Variants in NRIP1 observed in about 807,000 individuals in gnomAD.
NRIP1 encodes nuclear receptor-interacting protein 1.
Under a neutral mutation model 75.0 loss-of-function variants are expected in NRIP1, and 28 were observed. That is an observed-to-expected ratio of 0.37 (90% CI 0.28 to 0.51). The LOEUF (loss-of-function observed/expected upper bound fraction) is 0.51, where lower values mean the gene tolerates loss of function less well. Among genes scored for constraint, NRIP1 ranks in the 20% least tolerant of loss-of-function variants. The pLI is 0.92. For missense variants in NRIP1, 1,435 were observed against 1,343.7 expected, an observed-to-expected ratio of 1.07 and a Z score of -1.06; for synonymous variants, 526 against 487.6, an observed-to-expected ratio of 1.08 and a Z score of -1.04.
chr21:15,012,497 C>T (rs888591491), intron 3 of NRIP1, among the ~76,000 whole-genome samples: 1 of 134,060 alleles, frequency 7.5e-6, no homozygotes, highest in Non-Finnish European at 1.5e-5. Context: ...CTCTGTCACC[C>T]AGGCTGGAGT....
chr21:15,006,701 C>T (rs2087980932), intron 3 of NRIP1, among the ~76,000 whole-genome samples: 1 of 152,168 alleles, frequency 6.6e-6, no homozygotes, highest in African/African-American at 2.4e-5. Flanking sequence ...GATAACCACA[C>T]TTTCACTCAC....
intron 3 of NRIP1, among the ~76,000 whole-genome samples, chr21:15,003,154 A>G (rs1469878297): frequency 6.6e-6 from 1 of 152,190 alleles, no homozygotes; most frequent in Non-Finnish European, 1.5e-5. Flanking sequence ...GTTGTTAAAT[A>G]TTTTTTAACA....
At chr21:14,987,323 T>C (rs1428632383) in intron 3 of NRIP1, among the ~76,000 whole-genome samples, 1 of 152,230 alleles carries the variant, frequency 6.6e-6, no homozygotes, top group Admixed American at 6.5e-5. Flanking sequence ...GTTCCTTGCG[T>C]AACTCCAACA....
At chr21:15,026,056 GT>G (rs1194483204) in intron 2 of NRIP1, among the ~76,000 whole-genome samples, 1 of 152,148 alleles carries the variant, frequency 6.6e-6, no homozygotes, top group Non-Finnish European at 1.5e-5. Context: ...CCAGGACAAG[GT>G]CTTGTTTCTT....
intron 3 of NRIP1, among the ~76,000 whole-genome samples, chr21:15,006,296 A>T (rs1041041422): frequency 2.0e-5 from 3 of 152,212 alleles, no homozygotes; most frequent in African/African-American, 7.2e-5. Flanking sequence ...CATGGGCCAA[A>T]AGAGAAAGTA....
chr21:15,060,389 C>G (rs2089399049), intron 1 of NRIP1, among the ~76,000 whole-genome samples: 2 of 152,132 alleles, frequency 1.3e-5, no homozygotes, highest in South Asian at 4.1e-4. Context: ...TCTATTTTCC[C>G]CCTACCATGA....
At chr21:14,995,360 G>A (rs1345180519) in intron 3 of NRIP1, among the ~76,000 whole-genome samples, 1 of 152,198 alleles carries the variant, frequency 6.6e-6, no homozygotes, top group African/African-American at 2.4e-5. Flanking sequence ...TGGACTGTAT[G>A]AGGAGGTTTC....
intron 3 of NRIP1, among the ~76,000 whole-genome samples, chr21:15,012,357 AAT>A (rs2088122911): frequency 1.3e-5 from 2 of 152,112 alleles, no homozygotes; most frequent in East Asian, 1.9e-4. Flanking sequence ...AACGTTTAAA[AAT>A]ATGTGAAAGG....
intron 3 of NRIP1, among the ~76,000 whole-genome samples, chr21:15,003,692 A>G (rs1400255832): frequency 1.3e-5 from 2 of 152,226 alleles, no homozygotes; most frequent in Non-Finnish European, 2.9e-5. Flanking sequence ...GGCTTGCTAC[A>G]AGGGGAGAAT....
chr21:15,065,487 C>T (rs893379147), upstream of NRIP1, among the ~76,000 whole-genome samples: 2 of 151,988 alleles, frequency 1.3e-5, no homozygotes, highest in Non-Finnish European at 2.9e-5. Context: ...CCCAGACGCT[C>T]CAGGGTCCCC....
intron 3 of NRIP1, among the ~76,000 whole-genome samples, chr21:15,008,325 C>T (rs1402470073): frequency 6.6e-6 from 1 of 152,096 alleles, no homozygotes; most frequent in African/African-American, 2.4e-5. Context: ...CTCAATCCTG[C>T]AAAATAACAC....
chr21:15,027,691 T>A (rs569573445), intron 2 of NRIP1, among the ~76,000 whole-genome samples: 2 of 152,312 alleles, frequency 1.3e-5, no homozygotes, highest in East Asian at 3.8e-4. Flanking sequence ...AAGATGATCA[T>A]TTTGCAAAAA....
intron 1 of NRIP1, among the ~76,000 whole-genome samples, chr21:15,049,570 CTTTTTAAATG>C (rs2089159587): frequency 6.6e-6 from 1 of 151,962 alleles, no homozygotes; most frequent in South Asian, 2.1e-4. Context: ...ATTTAGGGTA[CTTTTTAAATG>C]TTTATAATAT....
At chr21:14,977,660 A>G (rs952247079) in intron 3 of NRIP1, among the ~76,000 whole-genome samples, 1 of 152,228 alleles carries the variant, frequency 6.6e-6, no homozygotes, top group African/African-American at 2.4e-5. Flanking sequence ...TAATAAGACA[A>G]TAAAAGAATA....
intron 1 of NRIP1, among the ~76,000 whole-genome samples, chr21:15,055,924 A>C (rs757043952): frequency 2.0e-5 from 3 of 152,112 alleles, no homozygotes; most frequent in Non-Finnish European, 4.4e-5. Context: ...TATCACATGG[A>C]TCCCCTGGCA....
chr21:15,059,238 G>A (rs1374225114), intron 1 of NRIP1, among the ~76,000 whole-genome samples: 1 of 152,180 alleles, frequency 6.6e-6, no homozygotes. Context: ...TAGTCACACA[G>A]TGACTTGGAA....
intron 3 of NRIP1, among the ~76,000 whole-genome samples, chr21:14,988,517 GTA>G (rs142771734): frequency 5.1e-4 from 72 of 142,268 alleles, no homozygotes; most frequent in South Asian, 6.8e-4. Context: ...GTGTGTGTGT[GTA>G]TATATATATA....
chr21:15,054,916 T>G (rs548752881), intron 1 of NRIP1, among the ~76,000 whole-genome samples: 16 of 152,338 alleles, frequency 1.1e-4, no homozygotes, highest in African/African-American at 3.8e-4. Context: ...GTTAGAGGCT[T>G]GGGGACAGAA....
At chr21:15,004,083 T>C (rs1250306949) in intron 3 of NRIP1, among the ~76,000 whole-genome samples, 2 of 152,198 alleles carry the variant, frequency 1.3e-5, no homozygotes. Flanking sequence ...TTTCATTTCA[T>C]GGACCCCCAA....
Sources: gnomAD v4.1 joint callset for allele counts (sites outside exome capture counted in the v4.1 genomes callset) on GRCh38, gnomAD v4.1.1 for gene constraint, MANE v1.5 for transcripts, NCBI Gene and HGNC (gene_info 2026-07-23, HGNC 2026-07-21) for gene names.